Variants in FUT8 observed in about 807,000 individuals in gnomAD.
The protein encoded by FUT8 is fucosyltransferase 8.
A neutral mutation model predicts 71.3 loss-of-function variants in FUT8; 29 were observed. That is an observed-to-expected ratio of 0.41 (90% confidence interval 0.30 to 0.55). FUT8 has a LOEUF of 0.55. Ranked by LOEUF, FUT8 falls within the 20% of genes least tolerant of loss-of-function variation. The probability of loss-of-function intolerance (pLI) is 0.34; values close to 1 mark genes in which losing one functional copy is unlikely to be tolerated. For synonymous variants in FUT8, 254 were observed against 239.3 expected, an observed-to-expected ratio of 1.06 and a Z score of -0.57; for missense variants, 544 against 702.1, an observed-to-expected ratio of 0.77 and a Z score of 2.55.
chr14:65,677,151 T>TGCGCGCGCGC (rs1555383259), intron 7 of FUT8, among the ~76,000 whole-genome samples: 4 of 110,738 alleles, frequency 3.6e-5, no homozygotes, highest in Admixed American at 9.2e-5. Context: ...TGTGTGTGTG[T>TGCGCGCGCGC]GCGCGCGCGC....
the FUT8 span, among the ~76,000 whole-genome samples, chr14:65,398,195 C>A: frequency 6.6e-6 from 1 of 152,146 alleles, no homozygotes; most frequent in Admixed American, 6.5e-5. Context: ...GGGTCTCATT[C>A]TGTTGTCCAG....
At chr14:65,370,324 C>A in the FUT8 span, among the ~76,000 whole-genome samples, 3 of 150,150 alleles carry the variant, frequency 2.0e-5, no homozygotes, top group Non-Finnish European at 4.4e-5. Context: ...TCTCCCACCT[C>A]AGCCTCCTGA....
chr14:65,656,602 G>T (rs559206810), intron 6 of FUT8, among the ~76,000 whole-genome samples: 1 of 152,130 alleles, frequency 6.6e-6, no homozygotes, highest in Non-Finnish European at 1.5e-5. Context: ...AAAATAACCA[G>T]TGACACTCTT....
At chr14:65,401,201 C>T in the FUT8 span, among the ~76,000 whole-genome samples, 15 of 152,204 alleles carry the variant, frequency 9.9e-5, no homozygotes, top group Admixed American at 7.9e-4. Flanking sequence ...TTGCTAAGTA[C>T]TGGGAATAGA....
chr14:65,478,877 A>G (rs562564257), intron 2 of FUT8, among the ~76,000 whole-genome samples: 4 of 152,352 alleles, frequency 2.6e-5, no homozygotes, highest in Admixed American at 2.0e-4. Flanking sequence ...CATTCTTTGC[A>G]CAGATAAACT....
intron 10 of FUT8, among the ~76,000 whole-genome samples, chr14:65,737,625 G>A (rs113688688): frequency 1.4e-4 from 21 of 152,178 alleles, no homozygotes; most frequent in African/African-American, 4.8e-4. Flanking sequence ...CAGGTTCTGG[G>A]ATCAATTTTT....
At chr14:65,485,185 A>G (rs1203612553) in intron 2 of FUT8, among the ~76,000 whole-genome samples, 1 of 151,956 alleles carries the variant, frequency 6.6e-6, no homozygotes, top group African/African-American at 2.4e-5. Context: ...AAAAAAAATA[A>G]TAATAATTTT....
chr14:65,558,756 A>G (rs1456923998), intron 2 of FUT8, among the ~76,000 whole-genome samples: 3 of 152,184 alleles, frequency 2.0e-5, no homozygotes, highest in Non-Finnish European at 2.9e-5. Flanking sequence ...TGCATAGAAA[A>G]CTATTTGTTT....
the FUT8 span, among the ~76,000 whole-genome samples, chr14:65,371,390 A>C: frequency 2.6e-5 from 4 of 152,244 alleles, no homozygotes; most frequent in African/African-American, 4.8e-5. Context: ...TTGATGTATT[A>C]CTATCATTCA....
At chr14:65,691,173 A>G (rs1317195087) in intron 7 of FUT8, among the ~76,000 whole-genome samples, 1 of 151,272 alleles carries the variant, frequency 6.6e-6, no homozygotes, top group African/African-American at 2.5e-5. Context: ...ATAAATGACC[A>G]TGTCATCTGT....
At chr14:65,502,604 C>T (rs1472036076) in intron 2 of FUT8, among the ~76,000 whole-genome samples, 3 of 152,058 alleles carry the variant, frequency 2.0e-5, no homozygotes, top group African/African-American at 4.8e-5. Flanking sequence ...TCCTTCTTTG[C>T]CTCTTGAGGT....
At chr14:65,518,072 T>A (rs1034405293) in intron 2 of FUT8, among the ~76,000 whole-genome samples, 1 of 152,218 alleles carries the variant, frequency 6.6e-6, no homozygotes, top group Non-Finnish European at 1.5e-5. Context: ...AATAAGTCTT[T>A]TATGAATTTA....
At chr14:65,637,182 A>C (rs1234206238) in intron 6 of FUT8, among the ~76,000 whole-genome samples, 2 of 152,190 alleles carry the variant, frequency 1.3e-5, no homozygotes, top group East Asian at 1.9e-4. Flanking sequence ...TTAAAACTGC[A>C]CGTTGCTGAT....
At chr14:65,648,977 A>G (rs1165900810) in intron 6 of FUT8, among the ~76,000 whole-genome samples, 2 of 152,226 alleles carry the variant, frequency 1.3e-5, no homozygotes, top group South Asian at 2.1e-4. Flanking sequence ...CGATATTTGA[A>G]TGGAAAGAGA....
chr14:65,683,827 A>T (rs1566894118), intron 7 of FUT8, among the ~76,000 whole-genome samples: 1 of 152,004 alleles, frequency 6.6e-6, no homozygotes, highest in Admixed American at 6.6e-5. Context: ...TATTCATGAC[A>T]TTTTTTTAAA....
intron 6 of FUT8, among the ~76,000 whole-genome samples, chr14:65,657,923 A>G (rs118168535): frequency 0.012 from 1,840 of 152,122 alleles, 15 homozygotes; most frequent in Middle Eastern, 0.024. Context: ...CCCCATAAAT[A>G]TATATACCTA....
In FUT8 at chr14:65,639,655, G is replaced by A. The variant is rs1053794909; in HGVS notation, c.597+10049G>A. Among the ~76,000 whole-genome samples, 6 of 151,588 alleles carry A rather than the reference G, an allele frequency of 4.0e-5. No individual in the cohort carries two copies. The South Asian group carries it at 6.2e-4, about 16-fold the overall frequency. ...ACTAAGTTTTCCTATGGGCTCCTTC[G>A]TCATTCCTTTTTAGAAAACTTTTAT... On this transcript the variant is annotated intron_variant, in intron 6 of 10. Coordinates refer to ENST00000673929, the MANE Select transcript of FUT8 (RefSeq NM_001371533.1).
Position 65,704,093 on chromosome 14 carries a change from T to A in FUT8, c.836-17682T>A, listed in dbSNP as rs115584121. Among the ~76,000 whole-genome samples the A allele has an allele frequency of 1.2e-3, 179 of 152,304 alleles. 1 individual carries two copies. The highest frequency in any genetic ancestry group is 4.1e-3 in the African/African-American group (170 of 41,562). On this transcript the variant is annotated intron_variant, in intron 7 of 10. Coordinates refer to ENST00000673929, the MANE Select transcript of FUT8 (RefSeq NM_001371533.1). ...GTCTCCCTGATTTAACATAATTGGA[T>A]GATAATTTAGCAGAAAAATTACAAA...
At chr14:65,629,833 C>T (rs1480736258) in intron 6 of FUT8, among the ~76,000 whole-genome samples, 6 of 114,842 alleles carry the variant, frequency 5.2e-5, no homozygotes, top group Non-Finnish European at 1.1e-4. Flanking sequence ...CACACGTACA[C>T]ACACACACAC....
Sources: allele counts gnomAD v4.1 joint callset (sites outside exome capture counted in the v4.1 genomes callset), GRCh38; gene constraint gnomAD v4.1.1; transcripts MANE v1.5; gene names NCBI Gene and HGNC (gene_info 2026-07-23, HGNC 2026-07-21).